Variants in COL5A1 observed in about 807,000 individuals in gnomAD.
The protein encoded by COL5A1 is collagen alpha-1(V) chain.
Under a neutral mutation model 263.7 loss-of-function variants are expected in COL5A1, and 16 were observed. The ratio of observed to expected loss-of-function variants is 0.06; its 90% CI spans 0.04 to 0.09. The LOEUF (loss-of-function observed/expected upper bound fraction) is 0.09, where lower values mean the gene tolerates loss of function less well. Ranked by LOEUF, COL5A1 falls within the 10% of genes least tolerant of loss-of-function variation. The pLI is 1.00. For synonymous variants in COL5A1, 1,012 were observed against 1,004.5 expected, an observed-to-expected ratio of 1.01 and a Z score of -0.14; for missense variants, 2,036 against 2,540.5, an observed-to-expected ratio of 0.80 and a Z score of 4.27.
At chr9:134,672,630 C>T (rs561581572) in intron 1 of COL5A1, among the ~76,000 whole-genome samples, 6 of 152,206 alleles carry the variant, frequency 3.9e-5, no homozygotes, top group Non-Finnish European at 7.4e-5. Context: ...AACGTCTGCT[C>T]GTATCACACC....
At chr9:134,775,395 G>A (rs1245419691) in intron 27 of COL5A1, among the ~76,000 whole-genome samples, 2 of 152,252 alleles carry the variant, frequency 1.3e-5, no homozygotes, top group Admixed American at 1.3e-4. Context: ...GCATCTGGGT[G>A]GGCCAGCGCT....
chr9:134,835,240 A>T (rs769533727), intron 65 of COL5A1, 36 bp downstream of exon 65: 1 of 1,577,182 alleles, frequency 6.3e-7, no homozygotes. Flanking sequence ...ACCCCTGCTC[A>T]CGCCTCCGTG....
intron 4 of COL5A1, among the ~76,000 whole-genome samples, chr9:134,707,620 G>T (rs916469763): frequency 6.6e-6 from 1 of 152,210 alleles, no homozygotes; most frequent in Non-Finnish European, 1.5e-5. Flanking sequence ...CAGTGTTAGG[G>T]CCTCGAAGGG....
Position 134,696,987 on chromosome 9 carries a change from C to T in COL5A1, c.278-2922C>T, listed in dbSNP as rs1465923684. 1.3e-5 allele frequency among the ~76,000 whole-genome samples: 2 copies of T among 151,854 alleles called. No individual in the cohort carries two copies. The highest frequency in any genetic ancestry group is 2.4e-5 in the African/African-American group (1 of 41,348). ...TCGGGAGGCTGAGGCAGGAGAATGG[C>T]GTGAACCCGGGAGGCGGAGCTTGCA... On this transcript the variant is annotated intron_variant, in intron 2 of 65. Coordinates refer to ENST00000371817, the MANE Select transcript of COL5A1 (RefSeq NM_000093.5). The surrounding 1 kb of genome is among the most constrained non-coding windows in gnomAD (Gnocchi z 4.3).
chr9:134,813,919 A>G, intron 48 of COL5A1, 64 bp from the exon 49 acceptor site: 1 of 1,531,292 alleles, frequency 6.5e-7, no homozygotes, highest in Non-Finnish European at 8.9e-7. Context: ...AAATGCTTGA[A>G]ACCGTAGCAC....
chr9:134,722,272 C>T (rs1834491584), intron 4 of COL5A1, among the ~76,000 whole-genome samples: 1 of 152,232 alleles, frequency 6.6e-6, no homozygotes, highest in Non-Finnish European at 1.5e-5. Flanking sequence ...GCAGGGCTGG[C>T]TGAGGGCCAG....
chr9:134,729,848 G>T (rs1834812243), intron 6 of COL5A1, among the ~76,000 whole-genome samples: 1 of 152,176 alleles, frequency 6.6e-6, no homozygotes, highest in South Asian at 2.1e-4. Flanking sequence ...GCCTGTGTGT[G>T]TGAGCGTGTG....
rs1769449778 is a variant in COL5A1 at position 134,842,573 on chromosome 9, G to A, written c.*270G>A. 3.6e-6 allele frequency: 2 copies of A among 559,838 alleles called. No individual in the cohort carries two copies. Among genetic ancestry groups the A allele is most frequent in the Non-Finnish European group, 6.4e-6 (2 of 311,528 alleles). The allele number at this position is 559,838 out of a possible 1,614,324, so 34.7% of individuals were successfully genotyped here. A position where few individuals can be genotyped will look rare whatever the true frequency, so the allele number is the denominator to read the frequency against. On this transcript the variant is annotated 3_prime_UTR_variant, in exon 66 of 66. Coordinates refer to ENST00000371817, the MANE Select transcript of COL5A1 (RefSeq NM_000093.5). This position sits in a 1 kb window ranked among gnomAD's most constrained non-coding sequence, Gnocchi z 5.8. Reference sequence around the variant, plus strand: ...CCCCACGCTCTGTCCACACCCACGCGCCCCGGGAGCGGGGCCATGCCTCCA... The same window carrying A: ...CCCCACGCTCTGTCCACACCCACGCACCCCGGGAGCGGGGCCATGCCTCCA...
At chr9:134,793,387 G>T (rs1052000684) in intron 32 of COL5A1, among the ~76,000 whole-genome samples, 2 of 150,086 alleles carry the variant, frequency 1.3e-5, no homozygotes, top group African/African-American at 2.5e-5. Flanking sequence ...AGGAGGCTGG[G>T]GGGGGCATTC....
chr9:134,807,195 G>A (rs1401663794), intron 42 of COL5A1, among the ~76,000 whole-genome samples: 1 of 152,216 alleles, frequency 6.6e-6, no homozygotes, highest in Non-Finnish European at 1.5e-5. Flanking sequence ...CCAGTACAGA[G>A]GGTCAGAATG....
intron 11 of COL5A1, among the ~76,000 whole-genome samples, chr9:134,744,717 AG>A (rs1835432016): frequency 6.6e-6 from 1 of 150,798 alleles, no homozygotes; most frequent in African/African-American, 2.5e-5. Context: ...GCTCTCACAC[AG>A]TTACACACAC....
chr9:134,727,510 A>G (rs1312164571), intron 5 of COL5A1, 113 bp downstream of exon 5: 1 of 1,216,742 alleles, frequency 8.2e-7, no homozygotes, highest in East Asian at 2.4e-5. Flanking sequence ...ACTGGGTGAG[A>G]ATTTGGAGGG....
chr9:134,714,662 A>G (rs1202391056), intron 4 of COL5A1, among the ~76,000 whole-genome samples: 1 of 19,186 alleles, frequency 5.2e-5, no homozygotes, highest in Non-Finnish European at 1.1e-4. Flanking sequence ...GGTGGAGGCG[A>G]TGATAGTGGT....
In COL5A1 at chr9:134,647,020, C is replaced by T. The variant is rs531967078; in HGVS notation, c.109+4724C>T. Among the ~76,000 whole-genome samples, 58 of 152,332 alleles carry T rather than the reference C, an allele frequency of 3.8e-4. No individual in the cohort carries two copies. The highest frequency in any genetic ancestry group is 1.3e-3 in the African/African-American group (55 of 41,574). The stretch of plus-strand genomic sequence containing the variant: ...ACCTGTGAGAAGCTTTGCAGGCTGC[C>T]TGACCTGTACTCGGCACTGGCTGTG... On this transcript the variant is annotated intron_variant, in intron 1 of 65. Coordinates refer to ENST00000371817, the MANE Select transcript of COL5A1 (RefSeq NM_000093.5). This position sits in a 1 kb window ranked among gnomAD's most constrained non-coding sequence, Gnocchi z 5.0.
chr9:134,794,020 C>T lies in COL5A1; in HGVS notation c.2701-1062C>T, dbSNP rs989929860. Among the ~76,000 whole-genome samples the T allele has an allele frequency of 2.6e-5, 4 of 152,158 alleles. No homozygotes were observed. The highest frequency in any genetic ancestry group is 4.4e-5 in the Non-Finnish European group (3 of 68,030). Reference sequence around the variant, plus strand: ...TCCAGCCATACAGATCCACCTTGGGCGGAGCATCAGAAACCAGTCAAGTTC... The same window carrying T: ...TCCAGCCATACAGATCCACCTTGGGTGGAGCATCAGAAACCAGTCAAGTTC... On this transcript the variant is annotated intron_variant, in intron 32 of 65. Coordinates refer to ENST00000371817, the MANE Select transcript of COL5A1 (RefSeq NM_000093.5). The surrounding 1 kb of genome is among the most constrained non-coding windows in gnomAD (Gnocchi z 4.3).
In COL5A1 at chr9:134,821,276, G is replaced by C. The variant is rs1838989298; in HGVS notation, c.4555-821G>C. 6.6e-6 allele frequency among the ~76,000 whole-genome samples: 1 copy of C among 152,168 alleles called. No homozygotes were observed. The highest frequency in any genetic ancestry group is 2.4e-5 in the African/African-American group (1 of 41,444). On this transcript the variant is annotated intron_variant, in intron 58 of 65. Coordinates refer to ENST00000371817, the MANE Select transcript of COL5A1 (RefSeq NM_000093.5). The surrounding 1 kb of genome is among the most constrained non-coding windows in gnomAD (Gnocchi z 4.2). ...CTCACCTGCCCTCACCCCAAACCATGGTCTTGGCGGCATTGCTGATGAAGG... is the reference window on the plus strand; with the variant it reads ...CTCACCTGCCCTCACCCCAAACCATCGTCTTGGCGGCATTGCTGATGAAGG...
chr9:134,801,109 C>T (rs1564467813), intron 37 of COL5A1, among the ~76,000 whole-genome samples: 1 of 152,384 alleles, frequency 6.6e-6, no homozygotes, highest in Non-Finnish European at 1.5e-5. Flanking sequence ...CGTGGCGACA[C>T]CCACAGCCAA....
intron 24 of COL5A1, 107 bp from the exon 25 acceptor site, chr9:134,768,303 C>G: frequency 9.6e-7 from 1 of 1,043,286 alleles, no homozygotes; most frequent in African/African-American, 1.6e-5. Context: ...CACTTCTCAG[C>G]AAATGCTGTG....
intron 4 of COL5A1, among the ~76,000 whole-genome samples, chr9:134,711,360 G>A (rs570869046): frequency 2.4e-4 from 36 of 152,226 alleles, no homozygotes; most frequent in African/African-American, 8.4e-4. Flanking sequence ...GCTGTGTCTT[G>A]CCAGCCAGGT....
Sources: allele counts gnomAD v4.1 joint callset (sites outside exome capture counted in the v4.1 genomes callset), GRCh38; gene constraint gnomAD v4.1.1; non-coding constraint Gnocchi (gnomAD v3.1); transcripts MANE v1.5; gene names NCBI Gene and HGNC (gene_info 2026-07-23, HGNC 2026-07-21).